SLC22A8: variants seen among roughly 807,000 people sequenced by gnomAD.
SLC22A8 encodes organic anion transporter 3.
Under a neutral mutation model 48.4 loss-of-function variants are expected in SLC22A8, and 40 were observed. The observed-to-expected ratio is 0.83, with a 90% CI of 0.64 to 1.08. The LOEUF is 1.08. SLC22A8 is among the 50% of genes least tolerant of loss of function. SLC22A8 has a pLI of 0.00. For missense variants in SLC22A8, 606 were observed against 699.0 expected (o/e 0.87, Z 1.50); for synonymous variants, 268 against 286.3 (o/e 0.94, Z 0.65).
chr11:63,001,974 ACTACAGTG>A (rs2086500908), intron 2 of SLC22A8, among the ~76,000 whole-genome samples: 1 of 151,966 alleles, frequency 6.6e-6, no homozygotes, highest in Non-Finnish European at 1.5e-5. Flanking sequence ...ACCCAGGCTG[ACTACAGTG>A]GCATGATCAT....
At position 63,014,806 on chromosome 11, in the gene SLC22A8, C is replaced by T. The variant is rs4149180; in HGVS notation, c.153G>A (p.Pro51=). The T allele has an allele frequency of 0.054, 86,465 of 1,612,518 alleles. 11,091 individuals carry two copies. Among genetic ancestry groups the T allele is most frequent in the African/African-American group, 0.51 (37,835 of 74,896 alleles). ...AAGGCCCTGTGGAGGCATTGTGGGG[C>T]GGGCGACAGTGGTGGACAGGGGTGG... ...TAATPVHHCR[P]PHNASTGPWV... The change falls in exon 2 of 11, where the codon CCG becomes CCA. Residue 51 remains proline, a synonymous_variant. Coordinates refer to ENST00000336232, the MANE Select transcript of SLC22A8 (RefSeq NM_004254.4).
At position 62,994,464 on chromosome 11, in the gene SLC22A8, C is replaced by T. The variant is rs546697598; in HGVS notation, c.1216+78G>A. Reference sequence around the variant, plus strand: ...TCAAGGTAACACAGTGACTTAGAGGCAGAGCCAGCAGTGAAGTCCCTGGCA... The same window carrying T: ...TCAAGGTAACACAGTGACTTAGAGGTAGAGCCAGCAGTGAAGTCCCTGGCA... On this transcript the variant is annotated intron_variant, in intron 8 of 10. Coordinates refer to ENST00000336232, the MANE Select transcript of SLC22A8 (RefSeq NM_004254.4). The T allele has an allele frequency of 1.1e-4, 115 of 1,073,958 alleles. 1 individual carries two copies. In the South Asian group the frequency reaches 1.5e-3, roughly 14 times the overall value. The allele number at this position is 1,073,958 out of a possible 1,614,324, so 66.5% of individuals were successfully genotyped here.
At chr11:63,009,624 C>T (rs1416700013) in intron 2 of SLC22A8, among the ~76,000 whole-genome samples, 1 of 152,184 alleles carries the variant, frequency 6.6e-6, no homozygotes, top group Non-Finnish European at 1.5e-5. Context: ...TCTTAATGTC[C>T]TAGTAAAGCT....
intron 4 of SLC22A8, 129 bp downstream of exon 4, chr11:62,999,559 C>T: frequency 1.5e-6 from 1 of 679,062 alleles, no homozygotes; most frequent in Non-Finnish European, 2.4e-6. Context: ...CCTCTGAGGT[C>T]CTGAGAGGGG....
chr11:62,994,790 A>C (rs1412199171), intron 7 of SLC22A8, 34 bp from the exon 8 acceptor site: 1 of 1,546,770 alleles, frequency 6.5e-7, no homozygotes, highest in East Asian at 2.2e-5. Context: ...TAGCACCTGC[A>C]GCCAGGCAGA....
chr11:62,994,814 G>T (rs2086395699), intron 7 of SLC22A8, 58 bp from the exon 8 acceptor site: 2 of 1,302,562 alleles, frequency 1.5e-6, no homozygotes, highest in Non-Finnish European at 2.2e-6. Flanking sequence ...CACTCCCCAT[G>T]CTGGTCATTG....
At chr11:63,006,245 A>C (rs571518861) in intron 2 of SLC22A8, among the ~76,000 whole-genome samples, 11 of 152,282 alleles carry the variant, frequency 7.2e-5, no homozygotes, top group African/African-American at 2.6e-4. Flanking sequence ...ATCAGGTTAC[A>C]CTACAGAAGC....
intron 2 of SLC22A8, among the ~76,000 whole-genome samples, chr11:63,007,938 A>G (rs2135139763): frequency 6.6e-6 from 1 of 152,368 alleles, no homozygotes; most frequent in East Asian, 1.9e-4. Flanking sequence ...ACTCAAACTC[A>G]GGTCTGCTGG....
In SLC22A8 at chr11:62,999,046, T is replaced by A; in HGVS notation, c.636A>T (p.Thr212=). The change falls in exon 5 of 11, where the codon ACA becomes ACT. Residue 212 remains threonine, a synonymous_variant. Coordinates refer to ENST00000336232, the MANE Select transcript of SLC22A8 (RefSeq NM_004254.4). Reference sequence around the variant, plus strand: ...CAAAGGTGTAGCAGTACCCGAGTGCTGTCGACATGATGGCCCGCATCCGGG... The same window carrying A: ...CAAAGGTGTAGCAGTACCCGAGTGCAGTCGACATGATGGCCCGCATCCGGG... ...VPTRMRAIMS[T]ALGYCYTFGQ... 2.5e-6 allele frequency: 4 copies of A among 1,614,070 alleles called. No homozygotes were observed. The highest frequency in any genetic ancestry group is 3.4e-6 in the Non-Finnish European group (4 of 1,179,900).
At chr11:62,993,679 G>T (rs2086372898) in intron 9 of SLC22A8, 52 bp from the exon 10 acceptor site, 8 of 1,598,552 alleles carry the variant, frequency 5.0e-6, no homozygotes, top group Non-Finnish European at 6.9e-6. Flanking sequence ...GTTCATAAAG[G>T]ATGGCTCCCC....
At chr11:63,012,473 C>T (rs1341841861) in intron 2 of SLC22A8, among the ~76,000 whole-genome samples, 1 of 152,192 alleles carries the variant, frequency 6.6e-6, no homozygotes, top group African/African-American at 2.4e-5. Flanking sequence ...CCCCACCATC[C>T]TTCCTTTTGC....
intron 2 of SLC22A8, among the ~76,000 whole-genome samples, chr11:63,013,592 C>T (rs1019032917): frequency 2.0e-5 from 3 of 152,216 alleles, no homozygotes; most frequent in Non-Finnish European, 2.9e-5. Flanking sequence ...TTTGGACCCC[C>T]GTAAACATTT....
At chr11:62,997,165 G>A (rs879936170) in intron 5 of SLC22A8, among the ~76,000 whole-genome samples, 21 of 152,188 alleles carry the variant, frequency 1.4e-4, no homozygotes, top group Non-Finnish European at 2.8e-4. Flanking sequence ...TGTGTACCAG[G>A]CCCATGAAAC....
chr11:63,010,074 C>T (rs1467785792), intron 2 of SLC22A8, among the ~76,000 whole-genome samples: 2 of 152,140 alleles, frequency 1.3e-5, no homozygotes, highest in African/African-American at 4.8e-5. Flanking sequence ...TTAACAACAA[C>T]AGCAAAAAAG....
chr11:62,993,766 C>G lies in SLC22A8; in HGVS notation c.1325+4G>C. The G allele has an allele frequency of 6.2e-7, 1 of 1,608,514 alleles. No homozygotes were observed. The highest frequency in any genetic ancestry group is 8.5e-7 in the Non-Finnish European group (1 of 1,174,824). On this transcript the variant is annotated splice_donor_region_variant and intron_variant, in intron 9 of 10. Transcript: ENST00000336232. ...CTGGGCCTGGCCCCAGGTCCAGCAC[C>G]TACCTGATGACTGTGGGGTATAATT...
Position 62,993,430 on chromosome 11 carries a change from T to C in SLC22A8, c.1523A>G (p.Glu508Gly), listed in dbSNP as rs1036092016. 3 of 1,613,996 alleles carry C rather than the reference T, an allele frequency of 1.9e-6. No homozygotes were observed. The highest frequency in any genetic ancestry group is 2.5e-6 in the Non-Finnish European group (3 of 1,180,012). The change falls in exon 10 of 11, where the codon GAA (glutamate) becomes GGA (glycine). Residue 508 changes from glutamate to glycine, a missense_variant. Physicochemically the swap from Glu to Gly is moderately conservative, Grantham distance 98. Transcript: ENST00000336232. ...GCCAGAGGCAGTGACTGACCAGTTT[T>C]CCAGGTCTTCGATAGTCTCTGGCAA... ...QPLPETIEDL[E>G]NWSLRAKKPK...
rs2135112343 is a variant in SLC22A8, at chr11:62,993,017, C to G, written c.*220G>C. ...GGGGAAGGGCTAGACAGAAGAATGG[C>G]AGGGCCTGGGTTGCAGGGAGAACAA... On this transcript the variant is annotated 3_prime_UTR_variant, in exon 11 of 11. Coordinates refer to ENST00000336232, the MANE Select transcript of SLC22A8 (RefSeq NM_004254.4). 1 of 572,768 alleles carries G rather than the reference C, an allele frequency of 1.7e-6. No individual in the cohort carries two copies. Among genetic ancestry groups the G allele is most frequent in the South Asian group, 2.3e-5 (1 of 42,660 alleles). The allele number at this position is 572,768 out of a possible 1,614,324, so 35.5% of individuals were successfully genotyped here.
chr11:62,997,178 T>A (rs1030681617), intron 5 of SLC22A8, among the ~76,000 whole-genome samples: 4 of 152,268 alleles, frequency 2.6e-5, no homozygotes, highest in Admixed American at 6.5e-5. Flanking sequence ...CATGAAACTC[T>A]GGGTGACAGG....
rs2086370123 is a variant in SLC22A8, at chr11:62,993,543, C to T, written c.1410G>A (p.Gln470=). ...CGTAGATGATATTGGGGATGAAGGG[C>T]TGTACCTCACCCGTGATTTTCACCA... is the stretch of plus-strand genomic sequence containing the variant. ...SPLVKITGEV[Q]PFIPNIIYGI... Residue 470 remains glutamine (Q), a synonymous_variant, in exon 10 of 11, where the codon CAG becomes CAA. Coordinates refer to ENST00000336232, the MANE Select transcript of SLC22A8 (RefSeq NM_004254.4). 6.2e-7 allele frequency: 1 copy of T among 1,614,068 alleles called. No homozygotes were observed. The highest frequency in any genetic ancestry group is 8.5e-7 in the Non-Finnish European group (1 of 1,180,014).
Sources: allele counts gnomAD v4.1 joint callset (sites outside exome capture counted in the v4.1 genomes callset), GRCh38; gene constraint gnomAD v4.1.1; transcripts MANE v1.5; gene names NCBI Gene and HGNC (gene_info 2026-07-23, HGNC 2026-07-21).